Variants in DLG1 observed in about 807,000 individuals in gnomAD.
DLG1 encodes discs large MAGUK scaffold protein 1.
Under a neutral mutation model 123.4 loss-of-function variants are expected in DLG1, and 42 were observed. The ratio of observed to expected loss-of-function variants is 0.34; its 90% CI spans 0.27 to 0.44. The LOEUF (loss-of-function observed/expected upper bound fraction) is 0.44, where lower values mean the gene tolerates loss of function less well. Among genes scored for constraint, DLG1 ranks in the 20% least tolerant of loss-of-function variants. DLG1 has a pLI of 1.00. For synonymous variants in DLG1, 317 were observed against 356.2 expected, an observed-to-expected ratio of 0.89 and a Z score of 1.24; for missense variants, 942 against 1,082.6, an observed-to-expected ratio of 0.87 and a Z score of 1.82.
chr3:197,128,647 C>A (rs755441596), intron 11 of DLG1, among the ~76,000 whole-genome samples: 3 of 152,198 alleles, frequency 2.0e-5, no homozygotes, highest in Non-Finnish European at 4.4e-5. Flanking sequence ...CCTATGACAG[C>A]TATAGCTTTA....
chr3:197,213,707 C>T (rs1023828276), intron 4 of DLG1, among the ~76,000 whole-genome samples: 66 of 152,140 alleles, frequency 4.3e-4, no homozygotes, highest in African/African-American at 1.5e-3. Context: ...CTTCAAAATG[C>T]TACTGAAGTG....
Position 197,093,955 on chromosome 3 carries a change from T to C in DLG1, c.1547-2929A>G, listed in dbSNP as rs554818966. On this transcript the variant is annotated intron_variant, in intron 14 of 24. Transcript: ENST00000667157. Reference sequence around the variant, plus strand: ...ATGTGAAAGTAATCCCGTATGACTTTCAAGGTCAGATTAGAAGAGGCCATG... The same window carrying C: ...ATGTGAAAGTAATCCCGTATGACTTCCAAGGTCAGATTAGAAGAGGCCATG... Among the ~76,000 whole-genome samples the C allele has an allele frequency of 3.3e-5, 5 of 152,290 alleles. No individual in the cohort carries two copies. In the East Asian group the frequency reaches 9.7e-4, roughly 29 times the overall value.
rs140116129 is a variant in DLG1 at position 197,149,206 on chromosome 3, C to G, written c.537+537G>C. On this transcript the variant is annotated intron_variant, in intron 6 of 24. Coordinates refer to ENST00000667157, the MANE Select transcript of DLG1 (RefSeq NM_001366207.1). ...AACCCTGTACCTATTAGCAGTCACT[C>G]CCCATTCTGCCCTACACCCACCACC... 5.8e-3 allele frequency among the ~76,000 whole-genome samples: 886 copies of G among 152,238 alleles called. 7 individuals carry two copies. Among genetic ancestry groups the G allele is most frequent in the African/African-American group, 0.02 (829 of 41,540 alleles).
chr3:197,051,578 T>C lies in DLG1; in HGVS notation c.2574A>G (p.Thr858=). ...KLEQEFTEHF[T]AIVQGDTLED... The stretch of plus-strand genomic sequence containing the variant: ...GGACTGTTACAACACGGTTCCAACC[T>C]GTGAAATGTTCAGTAAACTCCTGTT... The change falls in exon 24 of 25, where the codon ACA becomes ACG. Residue 858 remains threonine (T), a splice_region_variant and synonymous_variant. Coordinates refer to ENST00000667157, the MANE Select transcript of DLG1 (RefSeq NM_001366207.1). 1.2e-6 allele frequency: 2 copies of C among 1,612,792 alleles called. No homozygotes were observed. Among genetic ancestry groups the C allele is most frequent in the Non-Finnish European group, 1.7e-6 (2 of 1,178,842 alleles).
intron 4 of DLG1, among the ~76,000 whole-genome samples, chr3:197,250,298 G>A (rs941562103): frequency 2.6e-5 from 4 of 152,282 alleles, no homozygotes; most frequent in East Asian, 1.9e-4. Flanking sequence ...CACCGGGCAC[G>A]GCGGCTCATG....
At chr3:197,162,916 C>A (rs1344091226) in intron 5 of DLG1, among the ~76,000 whole-genome samples, 1 of 152,074 alleles carries the variant, frequency 6.6e-6, no homozygotes, top group Non-Finnish European at 1.5e-5. Flanking sequence ...GAAAAGACAG[C>A]CTACACAATG....
In DLG1 at chr3:197,297,171, G is replaced by C; in HGVS notation, c.19+15C>G. ...CAAGTGACATCGACAACAGAGTTACGGAATAAACTCTCACCTTGCTTCCGG... is the reference window on the plus strand; with the variant it reads ...CAAGTGACATCGACAACAGAGTTACCGAATAAACTCTCACCTTGCTTCCGG... On this transcript the variant is annotated intron_variant, in intron 2 of 24. Transcript: ENST00000667157. The C allele has an allele frequency of 6.2e-7, 1 of 1,613,864 alleles. No homozygotes were observed. Among genetic ancestry groups the C allele is most frequent in the Non-Finnish European group, 8.5e-7 (1 of 1,179,832 alleles).
At chr3:197,207,218 A>C (rs1261710884) in intron 4 of DLG1, among the ~76,000 whole-genome samples, 11 of 152,218 alleles carry the variant, frequency 7.2e-5, no homozygotes, top group African/African-American at 2.7e-4. Context: ...ACGCAAAGTT[A>C]CACAAACTTT....
intron 17 of DLG1, chr3:197,080,677 G>C (rs1750597313): frequency 6.4e-6 from 1 of 156,200 alleles, no homozygotes; most frequent in African/African-American, 2.4e-5. Context: ...GGCCAGGCCG[G>C]TCTCTAACTC....
At chr3:197,115,850 A>T (rs2149402509) in intron 13 of DLG1, 77 bp downstream of exon 13, 1 of 1,434,296 alleles carries the variant, frequency 7.0e-7, no homozygotes, top group Non-Finnish European at 9.6e-7. Context: ...TTTAGGATAT[A>T]AAAAAACAGA....
intron 5 of DLG1, among the ~76,000 whole-genome samples, chr3:197,191,040 G>A (rs1210146454): frequency 6.6e-6 from 1 of 151,906 alleles, no homozygotes; most frequent in African/African-American, 2.4e-5. Flanking sequence ...ACAACAGAAA[G>A]GGGGGTTTTG....
chr3:197,082,285 G>A (rs985036319), intron 16 of DLG1, among the ~76,000 whole-genome samples: 1 of 152,012 alleles, frequency 6.6e-6, no homozygotes, highest in South Asian at 2.1e-4. Context: ...CAGGAGAATC[G>A]CTTGAATCCA....
At chr3:197,266,187 GC>G (rs549618286) in intron 4 of DLG1, among the ~76,000 whole-genome samples, 70 of 152,024 alleles carry the variant, frequency 4.6e-4, no homozygotes, top group Non-Finnish European at 8.7e-4. Context: ...CACAACGTCT[GC>G]CAAATTCATC....
intron 4 of DLG1, among the ~76,000 whole-genome samples, chr3:197,258,518 T>A (rs986227453): frequency 6.6e-6 from 1 of 152,198 alleles, no homozygotes; most frequent in Admixed American, 6.5e-5. Flanking sequence ...GTAGCAATGA[T>A]GCAACGTGCC....
intron 14 of DLG1, among the ~76,000 whole-genome samples, chr3:197,101,187 A>G (rs558559922): frequency 1.3e-5 from 2 of 152,344 alleles, no homozygotes; most frequent in Admixed American, 6.5e-5. Context: ...AGGGGCTAGA[A>G]GAAATCTTAA....
chr3:197,058,884 C>G (rs189054851), intron 23 of DLG1, among the ~76,000 whole-genome samples: 1 of 152,298 alleles, frequency 6.6e-6, no homozygotes, highest in Admixed American at 6.5e-5. Flanking sequence ...AATGTACGAA[C>G]AGATCTTCCT....
At chr3:197,230,039 T>C (rs1266159682) in intron 4 of DLG1, among the ~76,000 whole-genome samples, 2 of 152,236 alleles carry the variant, frequency 1.3e-5, no homozygotes, top group African/African-American at 4.8e-5. Flanking sequence ...GGTTAGATAT[T>C]TGGCGAGTCA....
chr3:197,127,847 TTAAG>T (rs1412273345), intron 11 of DLG1, among the ~76,000 whole-genome samples: 9 of 152,160 alleles, frequency 5.9e-5, no homozygotes, highest in Non-Finnish European at 1.2e-4. Context: ...TTACACTATA[TTAAG>T]TAAGGAATAG....
chr3:197,243,990 G>A (rs901015757), intron 4 of DLG1, among the ~76,000 whole-genome samples: 6 of 152,158 alleles, frequency 3.9e-5, no homozygotes, highest in African/African-American at 7.2e-5. Flanking sequence ...TGCAAGTGCC[G>A]CTCCAGTTAC....
Sources: allele counts gnomAD v4.1 joint callset (sites outside exome capture counted in the v4.1 genomes callset), GRCh38; gene constraint gnomAD v4.1.1; transcripts MANE v1.5; gene names NCBI Gene and HGNC (gene_info 2026-07-23, HGNC 2026-07-21).